Variants in HECTD4 observed in about 807,000 individuals in gnomAD.
HECTD4 encodes the protein HECT domain E3 ubiquitin protein ligase 4, also known as probable E3 ubiquitin-protein ligase HECTD4.
Under a neutral mutation model 471.5 loss-of-function variants are expected in HECTD4, and 114 were observed. That is an observed-to-expected ratio of 0.24 (90% confidence interval 0.21 to 0.28). The LOEUF (loss-of-function observed/expected upper bound fraction) is 0.28, where lower values mean the gene tolerates loss of function less well. Ranked by LOEUF, HECTD4 falls within the 10% of genes least tolerant of loss-of-function variation. HECTD4 has a pLI of 1.00. For missense variants in HECTD4, 3,866 were observed against 5,651.5 expected (o/e 0.68, Z 10.13); for synonymous variants, 2,012 against 2,256.0 (o/e 0.89, Z 3.07).
intron 48 of HECTD4, among the ~76,000 whole-genome samples, chr12:112,214,712 C>A (rs184424290): frequency 2.0e-4 from 31 of 152,292 alleles, no homozygotes; most frequent in African/African-American, 6.7e-4. Flanking sequence ...CCACCCACCC[C>A]CTGACATACA....
chr12:112,271,773 T>C (rs1435087902), intron 11 of HECTD4, among the ~76,000 whole-genome samples: 1 of 152,222 alleles, frequency 6.6e-6, no homozygotes, highest in African/African-American at 2.4e-5. Flanking sequence ...TTGTTGTTGT[T>C]GTTTTGTTTT....
intron 1 of HECTD4, among the ~76,000 whole-genome samples, chr12:112,360,272 T>C (rs919036696): frequency 3.3e-5 from 5 of 152,070 alleles, no homozygotes; most frequent in South Asian, 2.1e-4. Context: ...TGTGCAATGA[T>C]TGTACCTGTG....
At chr12:112,206,978 T>C (rs928580284) in intron 52 of HECTD4, among the ~76,000 whole-genome samples, 4 of 152,276 alleles carry the variant, frequency 2.6e-5, no homozygotes, top group East Asian at 3.9e-4. Context: ...ACAGACGCTT[T>C]TGGAATTAAG....
rs534361439 is a variant in HECTD4 at position 112,327,209 on chromosome 12, C to T, written c.178-7467G>A. ...GCGCATGCCTGTAATCCCAGCTACT[C>T]AGAAGGCTGAGGCAGGAGAACTGCT... On this transcript the variant is annotated intron_variant, in intron 1 of 75. Coordinates refer to ENST00000682272, the MANE Select transcript of HECTD4 (RefSeq NM_001388303.1). 1.6e-4 allele frequency among the ~76,000 whole-genome samples: 24 copies of T among 152,110 alleles called. No individual in the cohort carries two copies. In the South Asian group the frequency reaches 5.0e-3, roughly 32 times the overall value.
chr12:112,294,561 G>A (rs898069906), intron 7 of HECTD4, among the ~76,000 whole-genome samples: 6 of 151,876 alleles, frequency 4.0e-5, no homozygotes, highest in South Asian at 2.1e-4. Context: ...ATCCCCCTCC[G>A]ATTTCTCTCC....
At chr12:112,294,635 A>G (rs889583938) in intron 7 of HECTD4, among the ~76,000 whole-genome samples, 1 of 151,816 alleles carries the variant, frequency 6.6e-6, no homozygotes, top group Non-Finnish European at 1.5e-5. Context: ...TCCCTACCTT[A>G]CCCTCAACCA....
rs1003675928 is a variant in HECTD4 at position 112,381,100 on chromosome 12, C to T, written c.177+852G>A. On this transcript the variant is annotated intron_variant, in intron 1 of 75. Coordinates refer to ENST00000682272, the MANE Select transcript of HECTD4 (RefSeq NM_001388303.1). This position sits in a 1 kb window ranked among gnomAD's most constrained non-coding sequence, Gnocchi z 4.1. ...CGTTGGCCTCCATGAAACGACACTGCCAGTATTCCCACCTCTAGGCAAACA... is the reference window on the plus strand; with the variant it reads ...CGTTGGCCTCCATGAAACGACACTGTCAGTATTCCCACCTCTAGGCAAACA... Among the ~76,000 whole-genome samples the T allele has an allele frequency of 6.6e-6, 1 of 152,158 alleles. No individual in the cohort carries two copies. The highest frequency in any genetic ancestry group is 1.9e-4 in the East Asian group (1 of 5,202).
intron 52 of HECTD4, among the ~76,000 whole-genome samples, chr12:112,205,395 TTGCACTC>T (rs2135536786): frequency 6.6e-6 from 1 of 152,082 alleles, no homozygotes; most frequent in African/African-American, 2.4e-5. Context: ...GATTGCACCA[TTGCACTC>T]TAGCCTGGGA....
chr12:112,216,217 C>T, intron 48 of HECTD4, 75 bp downstream of exon 48: 1 of 952,312 alleles, frequency 1.1e-6, no homozygotes, highest in Non-Finnish European at 1.6e-6. Context: ...TAAATTTATT[C>T]AACTTTAACC....
intron 6 of HECTD4, among the ~76,000 whole-genome samples, chr12:112,306,551 T>C (rs1231431990): frequency 1.3e-5 from 2 of 152,228 alleles, no homozygotes; most frequent in Admixed American, 1.3e-4. Flanking sequence ...ATGTGTTGTA[T>C]CTAACACTTA....
chr12:112,293,496 C>T (rs868761865), intron 7 of HECTD4, among the ~76,000 whole-genome samples: 5 of 152,106 alleles, frequency 3.3e-5, no homozygotes, highest in Middle Eastern at 6.8e-3. Flanking sequence ...GAGCCGAGAT[C>T]GTGCCACTGT....
intron 7 of HECTD4, 31 bp downstream of exon 7, chr12:112,306,033 C>T (rs1294411218): frequency 7.0e-6 from 11 of 1,569,950 alleles, no homozygotes; most frequent in Non-Finnish European, 9.5e-6. Context: ...AATGTTTCTG[C>T]AAAGATACAA....
Position 112,265,923 on chromosome 12 carries a change from T to C in HECTD4, c.2453A>G (p.Gln818Arg). 6 of 1,614,020 alleles carry C rather than the reference T, an allele frequency of 3.7e-6. No homozygotes were observed. Among genetic ancestry groups the C allele is most frequent in the Non-Finnish European group, 5.1e-6 (6 of 1,179,882 alleles). The change falls in exon 15 of 76, where the codon CAG becomes CGG. Residue 818 changes from glutamine (Q) to arginine (R), a missense_variant. By Grantham distance (43) the Gln-to-Arg change is conservative (BLOSUM62 1). Around this residue, in one of 16 missense-constraint regions of HECTD4, gnomAD observed 525 missense variants for 672.6 expected, o/e 0.78. Transcript: ENST00000682272. ...ACTGCCAAATCGGTTGTTTTGGAGC[T>C]GTTCAGCCAGGTTGGTTAGGATCAC... ...RDVILTNLAEQLQNNRFGSDE... is the reference protein window; with the variant it reads ...RDVILTNLAERLQNNRFGSDE...
rs901529047 is a variant in HECTD4, at chr12:112,268,707, G to C, written c.2321+997C>G. Among the ~76,000 whole-genome samples the C allele has an allele frequency of 2.7e-5, 4 of 149,170 alleles. No homozygotes were observed. In the East Asian group the frequency reaches 8.2e-4, roughly 30 times the overall value. On this transcript the variant is annotated intron_variant, in intron 13 of 75. Transcript: ENST00000682272. The stretch of plus-strand genomic sequence containing the variant: ...GGAGGCGGAGATTGCGGTGAGCTGA[G>C]ATCACACCACTGCACTCGAGCCTGG...
At chr12:112,182,882 C>T (rs1432658849) in intron 62 of HECTD4, among the ~76,000 whole-genome samples, 177 bp downstream of exon 62, 1 of 152,262 alleles carries the variant, frequency 6.6e-6, no homozygotes, top group Non-Finnish European at 1.5e-5. Context: ...CACCAACACT[C>T]TCTGAATTGT....
At chr12:112,323,973 C>CTTT (rs1566111845) in intron 1 of HECTD4, among the ~76,000 whole-genome samples, 3 of 24,080 alleles carry the variant, frequency 1.2e-4, no homozygotes, top group South Asian at 2.0e-3. Context: ...TTTCTTCCTT[C>CTTT]CTTCCTTCCT....
chr12:112,215,333 C>T (rs1208227574), intron 48 of HECTD4, among the ~76,000 whole-genome samples: 1 of 152,172 alleles, frequency 6.6e-6, no homozygotes, highest in Non-Finnish European at 1.5e-5. Flanking sequence ...AGATTGTTTA[C>T]TATGTATCTC....
chr12:112,306,840 T>C (rs1214704610), intron 6 of HECTD4, among the ~76,000 whole-genome samples: 3 of 152,180 alleles, frequency 2.0e-5, no homozygotes, highest in Admixed American at 2.0e-4. Context: ...TATGAGGGCT[T>C]ACTGAAATTC....
chr12:112,223,890 T>C (rs1401264216), intron 44 of HECTD4, among the ~76,000 whole-genome samples: 1 of 152,210 alleles, frequency 6.6e-6, no homozygotes, highest in Non-Finnish European at 1.5e-5. Context: ...GGAAAAATAA[T>C]AGAAGTTGAT....
Sources: allele counts gnomAD v4.1 joint callset (sites outside exome capture counted in the v4.1 genomes callset), GRCh38; gene constraint gnomAD v4.1.1; regional missense constraint gnomAD v4.1.1; non-coding constraint Gnocchi (gnomAD v3.1); transcripts MANE v1.5; gene names NCBI Gene and HGNC (gene_info 2026-07-23, HGNC 2026-07-21).